Variants in SEMA5B observed in about 807,000 individuals in gnomAD.
The protein encoded by SEMA5B is semaphorin-5B.
Under a neutral mutation model 135.0 loss-of-function variants are expected in SEMA5B, and 66 were observed. The observed-to-expected ratio is 0.49, with a 90% CI of 0.40 to 0.60. The LOEUF (loss-of-function observed/expected upper bound fraction) is 0.60. Among genes scored for constraint, SEMA5B ranks in the 20% least tolerant of loss-of-function variants. The probability of loss-of-function intolerance (pLI) is 0.00; values close to 1 mark genes in which losing one functional copy is unlikely to be tolerated. For missense variants in SEMA5B, 1,501 were observed against 1,566.3 expected, an observed-to-expected ratio of 0.96 and a Z score of 0.70; for synonymous variants, 690 against 639.5, an observed-to-expected ratio of 1.08 and a Z score of -1.19.
At position 122,913,627 on chromosome 3, in the gene SEMA5B, G is replaced by A. The variant is rs1294673973; in HGVS notation, c.2187C>T (p.Gly729=). ...AGTTGCTGCTGCACTTGCTCCAGGA[G>A]CCCCAGGAAGCCCAGAAGATGGGCA... The part of the protein sequence containing the change: ...CPVPIFWASW[G]SWSKCSSNCG... The change falls in exon 16 of 23, where the codon GGC becomes GGT. Residue 729 remains glycine, a synonymous_variant. Coordinates refer to ENST00000357599, the MANE Select transcript of SEMA5B (RefSeq NM_001031702.4). 1 of 1,613,556 alleles carries A rather than the reference G, an allele frequency of 6.2e-7. No individual in the cohort carries two copies.
intron 4 of SEMA5B, among the ~76,000 whole-genome samples, chr3:122,940,408 C>A (rs1362877654): frequency 6.6e-6 from 1 of 152,212 alleles, no homozygotes; most frequent in African/African-American, 2.4e-5. Flanking sequence ...ACTGTGGAGA[C>A]AGAGGAATGG....
chr3:122,985,936 T>C (rs1442744199), intron 1 of SEMA5B, among the ~76,000 whole-genome samples: 1 of 152,202 alleles, frequency 6.6e-6, no homozygotes, highest in Non-Finnish European at 1.5e-5. Context: ...TTTTCAGGAC[T>C]CTGGGAAGAT....
At chr3:122,995,884 A>G (rs1490666424) in intron 1 of SEMA5B, among the ~76,000 whole-genome samples, 2 of 152,224 alleles carry the variant, frequency 1.3e-5, no homozygotes, top group East Asian at 1.9e-4. Flanking sequence ...TTCAAGTGAC[A>G]TCTTACCTAA....
At chr3:122,959,106 G>A (rs1005690975) in intron 2 of SEMA5B, among the ~76,000 whole-genome samples, 2 of 152,170 alleles carry the variant, frequency 1.3e-5, no homozygotes, top group Non-Finnish European at 2.9e-5. Flanking sequence ...GGGAGCTCGC[G>A]GCAGAGACTA....
intron 2 of SEMA5B, among the ~76,000 whole-genome samples, chr3:122,958,579 A>G (rs1378267212): frequency 6.6e-6 from 1 of 152,190 alleles, no homozygotes; most frequent in African/African-American, 2.4e-5. Flanking sequence ...CTCAGCACAA[A>G]GATAAGATTG....
At chr3:122,951,090 T>C (rs1940027666) in intron 2 of SEMA5B, among the ~76,000 whole-genome samples, 1 of 152,190 alleles carries the variant, frequency 6.6e-6, no homozygotes. Flanking sequence ...TGCACCATCA[T>C]GCCTGGCTAG....
intron 4 of SEMA5B, among the ~76,000 whole-genome samples, chr3:122,941,407 C>T (rs1939558187): frequency 6.6e-6 from 1 of 152,252 alleles, no homozygotes; most frequent in Non-Finnish European, 1.5e-5. Context: ...TGAGGAAGAA[C>T]AGTGTGACCA....
Position 122,912,903 on chromosome 3 carries a change from C to T in SEMA5B, c.2665G>A (p.Gly889Ser), listed in dbSNP as rs200481661. The change falls in exon 18 of 23, where the codon GGC becomes AGC. Residue 889 changes from glycine to serine, a missense_variant. By Grantham distance (56) the Gly-to-Ser change is moderately conservative. Transcript: ENST00000357599. ...TCTNPEPRNG[G>S]LPCVGDAAEY... ...GCAGCATCGCCCACGCAGGGCAGGCCCCCGTTGCGGGGCTCCGGGTTAGTG... is the reference window on the plus strand; with the variant it reads ...GCAGCATCGCCCACGCAGGGCAGGCTCCCGTTGCGGGGCTCCGGGTTAGTG... The T allele has an allele frequency of 5.9e-5, 95 of 1,611,308 alleles. No individual in the cohort carries two copies. In the East Asian group the frequency reaches 2.1e-3, roughly 36 times the overall value.
intron 2 of SEMA5B, 141 bp downstream of exon 2, chr3:122,960,999 A>T (rs1385909309): frequency 1.0e-5 from 9 of 881,872 alleles, no homozygotes; most frequent in Non-Finnish European, 1.5e-5. Flanking sequence ...ACAATTTTTA[A>T]AAAGGAAGAG....
chr3:123,011,042 C>A (rs1385696996), intron 1 of SEMA5B, among the ~76,000 whole-genome samples: 2 of 152,104 alleles, frequency 1.3e-5, no homozygotes, highest in Non-Finnish European at 2.9e-5. Flanking sequence ...AGTGGATAGG[C>A]CCAAAGGCCA....
intron 1 of SEMA5B, among the ~76,000 whole-genome samples, chr3:123,017,965 G>C (rs370439132): frequency 1.3e-5 from 2 of 151,836 alleles, no homozygotes; most frequent in African/African-American, 4.8e-5. Flanking sequence ...ACCAGCAAAA[G>C]GTTGGTTGAA....
chr3:122,928,677 C>A lies in SEMA5B; in HGVS notation c.538-62G>T, dbSNP rs563539098. 3.3e-6 allele frequency: 4 copies of A among 1,202,226 alleles called. No individual in the cohort carries two copies. In the South Asian group the frequency reaches 5.5e-5, roughly 17 times the overall value. The allele number at this position is 1,202,226 out of a possible 1,614,324, so 74.5% of individuals were successfully genotyped here. A position where few individuals can be genotyped will look rare whatever the true frequency, so the allele number is the denominator to read the frequency against. Reference sequence around the variant, plus strand: ...TCCAGGTGCGATGCTGGATATCTCACGCTCACACCACTGCGTCATGGATGC... The same window carrying A: ...TCCAGGTGCGATGCTGGATATCTCAAGCTCACACCACTGCGTCATGGATGC... On this transcript the variant is annotated intron_variant, in intron 6 of 22. Transcript: ENST00000357599.
chr3:122,962,615 A>G (rs1940635753), intron 1 of SEMA5B, among the ~76,000 whole-genome samples: 1 of 152,226 alleles, frequency 6.6e-6, no homozygotes, highest in South Asian at 2.1e-4. Flanking sequence ...GATTTTCCAA[A>G]GTGTTCTTTA....
At chr3:122,974,119 A>C (rs1000919465) in intron 1 of SEMA5B, among the ~76,000 whole-genome samples, 3 of 152,196 alleles carry the variant, frequency 2.0e-5, no homozygotes, top group African/African-American at 7.2e-5. Context: ...TGCTCCCGCC[A>C]TGTGACACAT....
intron 1 of SEMA5B, among the ~76,000 whole-genome samples, chr3:123,016,194 G>C (rs1051056854): frequency 4.6e-5 from 7 of 152,196 alleles, no homozygotes; most frequent in African/African-American, 1.7e-4. Flanking sequence ...GCTGTGAGGG[G>C]ACACAGAGGA....
intron 9 of SEMA5B, among the ~76,000 whole-genome samples, chr3:122,925,101 C>A (rs1938557329): frequency 6.6e-6 from 1 of 152,192 alleles, no homozygotes. Context: ...GGTCCACCCC[C>A]TCACACTGTC....
Position 122,922,137 on chromosome 3 carries a change from G to T in SEMA5B, c.1481-15C>A. 1.3e-6 allele frequency: 2 copies of T among 1,528,736 alleles called. No homozygotes were observed. Among genetic ancestry groups the T allele is most frequent in the Non-Finnish European group, 1.8e-6 (2 of 1,131,888 alleles). The allele number at this position is 1,528,736 out of a possible 1,614,324, so 94.7% of individuals were successfully genotyped here. Reference sequence around the variant, plus strand: ...GGTGCCCGACTCTGGAGGAGAGGGGGAGCCAGACCAAGGTGGCCTTGAAGG... The same window carrying T: ...GGTGCCCGACTCTGGAGGAGAGGGGTAGCCAGACCAAGGTGGCCTTGAAGG... On this transcript the variant is annotated splice_polypyrimidine_tract_variant and intron_variant, in intron 11 of 22. Transcript: ENST00000357599.
chr3:122,974,137 G>A (rs1941228384), intron 1 of SEMA5B, among the ~76,000 whole-genome samples: 1 of 152,232 alleles, frequency 6.6e-6, no homozygotes, highest in African/African-American at 2.4e-5. Context: ...CATGCTTGCA[G>A]GCGGGGAGGG....
At chr3:122,989,169 G>A (rs970329103) in intron 1 of SEMA5B, among the ~76,000 whole-genome samples, 1 of 152,220 alleles carries the variant, frequency 6.6e-6, no homozygotes, top group Non-Finnish European at 1.5e-5. Flanking sequence ...TGGGAGACTG[G>A]TCTTGGAATC....
Sources: gnomAD v4.1 joint callset for allele counts (sites outside exome capture counted in the v4.1 genomes callset) on GRCh38, gnomAD v4.1.1 for gene constraint, MANE v1.5 for transcripts, NCBI Gene and HGNC (gene_info 2026-07-23, HGNC 2026-07-21) for gene names.